The following VIT variants were observed in gnomAD, a reference collection of about 807,000 sequenced individuals.
The protein encoded by VIT is vitrin.
A neutral mutation model predicts 78.0 loss-of-function variants in VIT; 99 were observed. The observed-to-expected ratio is 1.27, with a 90% CI of 1.08 to 1.50. VIT has a LOEUF of 1.50. Ranked by LOEUF, VIT falls within the 40% of genes most tolerant of loss-of-function variation. VIT has a pLI of 0.00. For synonymous variants in VIT, 374 were observed against 334.3 expected (o/e 1.12, Z -1.29); for missense variants, 1,126 against 875.3 (o/e 1.29, Z -3.61).
At chr2:36,702,279 C>T (rs1471043076) in intron 1 of VIT, among the ~76,000 whole-genome samples, 1 of 152,150 alleles carries the variant, frequency 6.6e-6, no homozygotes, top group South Asian at 2.1e-4. Context: ...TTTGGACAAG[C>T]AGACACAGAG....
At chr2:36,810,969 A>T (rs1437130012) in intron 15 of VIT, among the ~76,000 whole-genome samples, 2 of 152,116 alleles carry the variant, frequency 1.3e-5, no homozygotes, top group Admixed American at 1.3e-4. Context: ...ATTTGGCAGG[A>T]TTTTCTGAAT....
intron 4 of VIT, among the ~76,000 whole-genome samples, chr2:36,744,071 G>A (rs1667994099): frequency 6.6e-6 from 1 of 152,102 alleles, no homozygotes; most frequent in African/African-American, 2.4e-5. Flanking sequence ...TTGGTGTTCT[G>A]TCTCTGCATT....
intron 1 of VIT, among the ~76,000 whole-genome samples, chr2:36,702,327 C>A (rs971095648): frequency 6.6e-6 from 1 of 152,062 alleles, no homozygotes; most frequent in Non-Finnish European, 1.5e-5. Flanking sequence ...CCCCAGACAC[C>A]GCCTACCGCT....
intron 1 of VIT, among the ~76,000 whole-genome samples, chr2:36,698,416 T>C (rs972463751): frequency 6.6e-6 from 1 of 152,180 alleles, no homozygotes; most frequent in African/African-American, 2.4e-5. Flanking sequence ...ACACATTGAA[T>C]ACAGGAAAGC....
chr2:36,793,958 A>T (rs1164775727), intron 12 of VIT, among the ~76,000 whole-genome samples: 2 of 152,222 alleles, frequency 1.3e-5, no homozygotes, highest in African/African-American at 4.8e-5. Flanking sequence ...AGCCCCATGG[A>T]TTTTCTTTCA....
chr2:36,726,449 C>T (rs1016511758), intron 2 of VIT, among the ~76,000 whole-genome samples: 6 of 152,194 alleles, frequency 3.9e-5, no homozygotes, highest in African/African-American at 1.2e-4. Context: ...CTTTTGTATT[C>T]ATCCACATTT....
intron 3 of VIT, 24 bp from the exon 4 acceptor site, chr2:36,743,073 AATT>A: frequency 6.2e-7 from 1 of 1,613,208 alleles, no homozygotes; most frequent in Non-Finnish European, 8.5e-7. Context: ...CACAAGGTGT[AATT>A]TTGACCTCAT....
chr2:36,814,059 T>C (rs1667384265), intron 15 of VIT, 124 bp from the exon 16 acceptor site: 7 of 1,193,960 alleles, frequency 5.9e-6, no homozygotes, highest in Non-Finnish European at 8.0e-6. Context: ...TTTTTGGTTT[T>C]GTTTTGTTTG....
At chr2:36,775,827 A>G (rs1670013857) in intron 9 of VIT, among the ~76,000 whole-genome samples, 1 of 152,182 alleles carries the variant, frequency 6.6e-6, no homozygotes, top group African/African-American at 2.4e-5. Context: ...GCTCAGACCT[A>G]GACTAGCTAT....
Position 36,754,981 on chromosome 2 carries a change from T to C in VIT, c.336T>C (p.Gly112=). Residue 112 remains glycine (G), a synonymous_variant, in exon 5 of 16, where the codon GGT becomes GGC. Coordinates refer to ENST00000379242, the MANE Select transcript of VIT (RefSeq NM_053276.4). ...ILVRKVAGQS[G]YKGSYSNGVQ... is the part of the protein sequence containing the mutation. ...TTCGGAAGGTTGCTGGACAGTCTGG[T>C]TACAAAGGGAGTTATTCCAACGGTG... 2 of 1,614,174 alleles carry C rather than the reference T, an allele frequency of 1.2e-6. No individual in the cohort carries two copies. The highest frequency in any genetic ancestry group is 1.7e-6 in the Non-Finnish European group (2 of 1,180,008).
At chr2:36,777,545 T>A (rs904631799) in intron 9 of VIT, among the ~76,000 whole-genome samples, 2 of 152,114 alleles carry the variant, frequency 1.3e-5, no homozygotes, top group Non-Finnish European at 2.9e-5. Context: ...CTGCTCCCAC[T>A]AAAACACCCC....
intron 12 of VIT, among the ~76,000 whole-genome samples, chr2:36,798,431 T>A (rs1455588489): frequency 1.3e-5 from 2 of 152,164 alleles, no homozygotes; most frequent in African/African-American, 2.4e-5. Flanking sequence ...TAAGTAAAAG[T>A]GTACATAGCA....
intron 13 of VIT, among the ~76,000 whole-genome samples, chr2:36,803,584 C>G (rs1666485586): frequency 6.6e-6 from 1 of 152,246 alleles, no homozygotes; most frequent in South Asian, 2.1e-4. Flanking sequence ...GCTATAAAAG[C>G]AATTCTTAGC....
chr2:36,758,097 A>G (rs1056278199), intron 5 of VIT, among the ~76,000 whole-genome samples: 4 of 152,236 alleles, frequency 2.6e-5, no homozygotes, highest in African/African-American at 9.6e-5. Flanking sequence ...AAATGCTTTC[A>G]TTACTAGATG....
At chr2:36,791,325 G>A (rs1336477034) in intron 12 of VIT, among the ~76,000 whole-genome samples, 9 of 152,298 alleles carry the variant, frequency 5.9e-5, no homozygotes, top group South Asian at 2.1e-4. Flanking sequence ...GCTTCCATAG[G>A]TCGGCTGAGC....
At chr2:36,783,602 T>G (rs1373171934) in intron 11 of VIT, among the ~76,000 whole-genome samples, 200 bp downstream of exon 11, 1 of 152,078 alleles carries the variant, frequency 6.6e-6, no homozygotes, top group African/African-American at 2.4e-5. Flanking sequence ...GGGGAGAGGA[T>G]CAAAATGTTT....
rs193222354 is a variant in VIT, at chr2:36,775,153, G to C, written c.802+86G>C. On this transcript the variant is annotated intron_variant, in intron 9 of 15. Coordinates refer to ENST00000379242, the MANE Select transcript of VIT (RefSeq NM_053276.4). ...AACATGAGGACCTCCCCACACACTTGTTCTTGGCCTCTGCAGCTCAACTTC... is the reference window on the plus strand; with the variant it reads ...AACATGAGGACCTCCCCACACACTTCTTCTTGGCCTCTGCAGCTCAACTTC... 1.3e-5 allele frequency: 19 copies of C among 1,491,462 alleles called. No individual in the cohort carries two copies. In the African/African-American group the frequency reaches 2.5e-4, roughly 20 times the overall value. The allele number at this position is 1,491,462 out of a possible 1,614,324, so 92.4% of individuals were successfully genotyped here.
intron 4 of VIT, among the ~76,000 whole-genome samples, chr2:36,753,974 T>C (rs1183855318): frequency 6.6e-6 from 1 of 152,196 alleles, no homozygotes; most frequent in Middle Eastern, 3.2e-3. Context: ...CCTGTTTCTA[T>C]GGAATGAATG....
intron 1 of VIT, among the ~76,000 whole-genome samples, chr2:36,703,622 G>A (rs1665210816): frequency 1.3e-5 from 2 of 152,174 alleles, no homozygotes; most frequent in African/African-American, 4.8e-5. Context: ...TTGTGAGTGA[G>A]TTCAGGCTCA....
Sources: gnomAD v4.1 joint callset for allele counts (sites outside exome capture counted in the v4.1 genomes callset) on GRCh38, gnomAD v4.1.1 for gene constraint, MANE v1.5 for transcripts, NCBI Gene and HGNC (gene_info 2026-07-23, HGNC 2026-07-21) for gene names.